The following SIPA1L3 variants were observed in gnomAD, a reference collection of about 807,000 sequenced individuals.
SIPA1L3 encodes signal-induced proliferation-associated 1-like protein 3.
Under a neutral mutation model 150.1 loss-of-function variants are expected in SIPA1L3, and 59 were observed. That is an observed-to-expected ratio of 0.39 (90% confidence interval 0.32 to 0.49). The LOEUF is 0.49. SIPA1L3 is among the 20% of genes least tolerant of loss of function. The probability of loss-of-function intolerance (pLI) is 0.86; values close to 1 mark genes in which losing one functional copy is unlikely to be tolerated. For synonymous variants in SIPA1L3, 1,070 were observed against 1,077.6 expected, an observed-to-expected ratio of 0.99 and a Z score of 0.14; for missense variants, 2,211 against 2,489.5, an observed-to-expected ratio of 0.89 and a Z score of 2.38.
intron 2 of SIPA1L3, among the ~76,000 whole-genome samples, chr19:38,048,286 C>G (rs1969106743): frequency 6.6e-6 from 1 of 152,128 alleles, no homozygotes; most frequent in African/African-American, 2.4e-5. Flanking sequence ...GGATGGGCAC[C>G]AGGTGGATAG....
At chr19:38,161,471 T>TCCCA (rs1972086840) in intron 13 of SIPA1L3, among the ~76,000 whole-genome samples, 1 of 151,398 alleles carries the variant, frequency 6.6e-6, no homozygotes, top group Non-Finnish European at 1.5e-5. Context: ...ACACCTGTAA[T>TCCCA]CCCAGCACTT....
At chr19:38,020,167 T>C (rs1968340607) in intron 1 of SIPA1L3, among the ~76,000 whole-genome samples, 1 of 152,146 alleles carries the variant, frequency 6.6e-6, no homozygotes, top group South Asian at 2.1e-4. Context: ...ATAAGTCTTG[T>C]TCTAAACAAT....
chr19:37,927,746 G>T (rs77803561), intron 1 of SIPA1L3, among the ~76,000 whole-genome samples: 2 of 151,552 alleles, frequency 1.3e-5, no homozygotes. Context: ...GTGTGTGTGT[G>T]TACGTGTACG....
chr19:37,982,996 C>T (rs1967239263), intron 1 of SIPA1L3, among the ~76,000 whole-genome samples: 1 of 152,196 alleles, frequency 6.6e-6, no homozygotes, highest in Non-Finnish European at 1.5e-5. Context: ...GCCCCTCTAC[C>T]CCGACATCCC....
chr19:38,041,032 G>A (rs954155023), intron 2 of SIPA1L3, among the ~76,000 whole-genome samples: 2 of 151,972 alleles, frequency 1.3e-5, no homozygotes, highest in East Asian at 3.9e-4. Flanking sequence ...CAAAGTGCTA[G>A]GATTACAGGC....
intron 1 of SIPA1L3, among the ~76,000 whole-genome samples, chr19:37,976,104 T>TAAAAAAA (rs374630193): frequency 3.3e-5 from 4 of 120,322 alleles, no homozygotes; most frequent in Non-Finnish European, 7.3e-5. Context: ...GGCTCTGTCT[T>TAAAAAAA]AAAAAAAAAA....
intron 1 of SIPA1L3, among the ~76,000 whole-genome samples, chr19:37,911,178 G>C (rs534501909): frequency 6.6e-6 from 1 of 152,130 alleles, no homozygotes; most frequent in Admixed American, 6.5e-5. Context: ...TGTGCTCTCT[G>C]CCCTTGTGAT....
intron 1 of SIPA1L3, among the ~76,000 whole-genome samples, chr19:38,017,033 A>G (rs1968252388): frequency 1.3e-5 from 2 of 149,952 alleles, no homozygotes; most frequent in Admixed American, 1.3e-4. Context: ...AGTAGCTGAG[A>G]TTACAGGGGC....
In SIPA1L3 at chr19:38,082,549, G is replaced by A. The variant is rs1326659366; in HGVS notation, c.984G>A (p.Pro328=). The change falls in exon 3 of 22, where the codon CCG becomes CCA. Residue 328 remains proline, a synonymous_variant. Coordinates refer to ENST00000222345, the MANE Select transcript of SIPA1L3 (RefSeq NM_015073.3). ...AGGCCGACGAGGGCCGGAGCCCCCC[G>A]GAAGCCAGCAGGCCGTGGGTGTGTC... The part of the protein sequence containing the change: ...PGEADEGRSP[P]EASRPWVCQK... 5 of 1,602,050 alleles carry A rather than the reference G, an allele frequency of 3.1e-6. No individual in the cohort carries two copies. Among genetic ancestry groups the A allele is most frequent in the Middle Eastern group, 1.7e-4 (1 of 6,054 alleles).
At chr19:38,104,935 T>C (rs1970588154) in intron 6 of SIPA1L3, among the ~76,000 whole-genome samples, 1 of 152,010 alleles carries the variant, frequency 6.6e-6, no homozygotes, top group African/African-American at 2.4e-5. Context: ...TTCCCCAAAT[T>C]ACAGGCAAGA....
chr19:38,115,819 T>G (rs964073637), intron 8 of SIPA1L3, among the ~76,000 whole-genome samples: 17 of 152,206 alleles, frequency 1.1e-4, no homozygotes, highest in African/African-American at 4.1e-4. Flanking sequence ...TCCTCATCTT[T>G]ATGAGTTTAT....
At chr19:38,156,804 A>T (rs1351929762) in intron 13 of SIPA1L3, among the ~76,000 whole-genome samples, 1 of 152,164 alleles carries the variant, frequency 6.6e-6, no homozygotes, top group Non-Finnish European at 1.5e-5. Context: ...TGCCTCGGAG[A>T]CAGAGTGAGA....
At chr19:38,005,331 C>T (rs1164093103) in intron 1 of SIPA1L3, among the ~76,000 whole-genome samples, 3 of 152,056 alleles carry the variant, frequency 2.0e-5, no homozygotes. Flanking sequence ...TTGCTCTGGC[C>T]CCTGCCTGCC....
intron 18 of SIPA1L3, among the ~76,000 whole-genome samples, chr19:38,196,462 T>TCAAGGGCGGAGCAA (rs1460696440): frequency 1.0e-4 from 12 of 117,840 alleles, no homozygotes; most frequent in Admixed American, 9.1e-4. Flanking sequence ...GGGCGGAGTG[T>TCAAGGGCGGAGCAA]GGAGGTCAAG....
intron 12 of SIPA1L3, among the ~76,000 whole-genome samples, chr19:38,146,277 G>A (rs189753161): frequency 2.8e-4 from 43 of 152,248 alleles, no homozygotes; most frequent in African/African-American, 7.2e-4. Context: ...GTTCATCCAC[G>A]TTGTCGCGAG....
At chr19:37,987,730 C>T (rs954949337) in intron 1 of SIPA1L3, among the ~76,000 whole-genome samples, 2 of 152,212 alleles carry the variant, frequency 1.3e-5, no homozygotes, top group African/African-American at 4.8e-5. Context: ...GTCATGGCCA[C>T]TTTAGTTTGG....
intron 10 of SIPA1L3, 171 bp downstream of exon 10, chr19:38,130,943 C>T (rs1396060201): frequency 1.5e-6 from 1 of 669,212 alleles, no homozygotes; most frequent in Non-Finnish European, 2.5e-6. Context: ...CTACAGAGCG[C>T]TTACTGTATG....
intron 2 of SIPA1L3, among the ~76,000 whole-genome samples, chr19:38,031,153 G>A (rs1395445569): frequency 6.6e-6 from 1 of 152,126 alleles, no homozygotes; most frequent in Non-Finnish European, 1.5e-5. Context: ...TGATTTTAGA[G>A]TTATAAAAAA....
chr19:38,065,355 T>C (rs1206275015), intron 2 of SIPA1L3, among the ~76,000 whole-genome samples: 2 of 151,340 alleles, frequency 1.3e-5, no homozygotes, highest in African/African-American at 2.4e-5. Flanking sequence ...TTCTAGAAGG[T>C]AAGGGCCTTG....
Sources: gnomAD v4.1 joint callset for allele counts (sites outside exome capture counted in the v4.1 genomes callset) on GRCh38, gnomAD v4.1.1 for gene constraint, MANE v1.5 for transcripts, NCBI Gene and HGNC (gene_info 2026-07-23, HGNC 2026-07-21) for gene names.